The following VDR variants were observed in gnomAD, a reference collection of about 807,000 sequenced individuals.
VDR encodes vitamin D receptor.
In VDR, 19 loss-of-function variants were observed where a neutral mutation model predicts 39.7. The observed-to-expected ratio is 0.48, with a 90% CI of 0.33 to 0.70. The LOEUF (loss-of-function observed/expected upper bound fraction) is 0.70. VDR is among the 30% of genes least tolerant of loss of function. VDR has a pLI of 0.02. For missense variants in VDR, 442 were observed against 570.5 expected, an observed-to-expected ratio of 0.77 and a Z score of 2.29; for synonymous variants, 242 against 215.8, an observed-to-expected ratio of 1.12 and a Z score of -1.07.
intron 1 of VDR, 133 bp from the exon 2 acceptor site, chr12:47,882,907 C>A: frequency 1.5e-6 from 1 of 677,622 alleles, no homozygotes; most frequent in Non-Finnish European, 2.4e-6. Context: ...ACAGAAGTGG[C>A]TTGTTGGGAG....
chr12:47,897,221 T>C (rs975964411), intron 1 of VDR, among the ~76,000 whole-genome samples: 1 of 152,176 alleles, frequency 6.6e-6, no homozygotes, highest in African/African-American at 2.4e-5. Context: ...GAGGCATAAA[T>C]GAGAAAATGC....
chr12:47,863,396 GGCAGTGCCTTACGAACCACT>G (rs1341802567), intron 4 of VDR, among the ~76,000 whole-genome samples: 1 of 152,222 alleles, frequency 6.6e-6, no homozygotes, highest in Non-Finnish European at 1.5e-5. Flanking sequence ...GAACTCCTGT[GGCAGTGCCTTACGAACCACT>G]GCAGTGGAAC....
At chr12:47,879,565 T>C (rs1946099363) in intron 2 of VDR, among the ~76,000 whole-genome samples, 1 of 152,002 alleles carries the variant, frequency 6.6e-6, no homozygotes, top group African/African-American at 2.4e-5. Flanking sequence ...CAAGGGAAAA[T>C]GAGAGTCCTC....
chr12:47,878,613 T>A (rs1192986195), intron 3 of VDR, among the ~76,000 whole-genome samples: 1 of 152,228 alleles, frequency 6.6e-6, no homozygotes, highest in African/African-American at 2.4e-5. Flanking sequence ...AAGACATGCC[T>A]GTCTCTTGGG....
intron 3 of VDR, among the ~76,000 whole-genome samples, chr12:47,869,149 T>A (rs1183363407): frequency 1.3e-5 from 2 of 152,224 alleles, no homozygotes; most frequent in Non-Finnish European, 2.9e-5. Flanking sequence ...CATGTCACTT[T>A]AAATATGAAG....
At chr12:47,848,387 C>T (rs1327888762) in intron 7 of VDR, among the ~76,000 whole-genome samples, 2 of 151,696 alleles carry the variant, frequency 1.3e-5, no homozygotes, top group Admixed American at 1.3e-4. Context: ...TCTAATTCTC[C>T]ATTTTGTTTT....
chr12:47,846,285 A>T (rs1945277166), intron 9 of VDR, 50 bp downstream of exon 9: 1 of 1,554,552 alleles, frequency 6.4e-7, no homozygotes, highest in Admixed American at 1.7e-5. Flanking sequence ...TTTGTCCTTC[A>T]TACTCCCCGC....
intron 4 of VDR, 75 bp from the exon 5 acceptor site, chr12:47,857,763 T>C: frequency 6.5e-7 from 1 of 1,543,220 alleles, no homozygotes; most frequent in Non-Finnish European, 8.8e-7. Context: ...CGGTTGGGGG[T>C]AAAGGTCCAA....
intron 7 of VDR, among the ~76,000 whole-genome samples, chr12:47,853,684 G>A (rs2137137559): frequency 6.6e-6 from 1 of 152,248 alleles, no homozygotes; most frequent in East Asian, 1.9e-4. Context: ...GAACCCAGGA[G>A]GCAGAGGTTG....
chr12:47,904,519 G>GTGGGCCCTGTGA, intron 1 of VDR: 1 of 1,361,192 alleles, frequency 7.3e-7, no homozygotes, highest in Non-Finnish European at 9.8e-7. Flanking sequence ...ACCATCACAG[G>GTGGGCCCTGTGA]TGACCATACC....
chr12:47,848,555 C>CTTTTTTTTTTT lies in VDR; in HGVS notation c.756-1758_756-1748dup, dbSNP rs1162881183. On this transcript the variant is annotated intron_variant, in intron 7 of 9. Coordinates refer to ENST00000549336, the MANE Select transcript of VDR (RefSeq NM_000376.3). The stretch of plus-strand genomic sequence containing the variant: ...CTCTTTACATGCTTGTTTTCTACTC[C>CTTTTTTTTTTT]TTTTTTTTTTTTTTTTTTTTTTTTT... Among the ~76,000 whole-genome samples, 8 of 58,162 alleles carry CTTTTTTTTTTT rather than the reference C, an allele frequency of 1.4e-4. 1 individual carries two copies. The highest frequency in any genetic ancestry group is 1.7e-4 in the Non-Finnish European group (6 of 34,814). 38.2% of individuals were successfully genotyped at this position (58,162 alleles called of 152,430 possible).
intron 2 of VDR, among the ~76,000 whole-genome samples, chr12:47,881,750 T>G: frequency 6.6e-6 from 1 of 152,150 alleles, no homozygotes; most frequent in East Asian, 1.9e-4. Context: ...ATCAACATTG[T>G]CCCCAAAGAC....
chr12:47,885,909 T>C (rs1946244219), intron 1 of VDR, among the ~76,000 whole-genome samples: 1 of 152,218 alleles, frequency 6.6e-6, no homozygotes, highest in Admixed American at 6.5e-5. Context: ...ATTAGCCAGA[T>C]GAACCACAAC....
rs570658595 is a variant in VDR, at chr12:47,867,171, T to C, written c.147-1994A>G. Among the ~76,000 whole-genome samples the C allele has an allele frequency of 3.2e-4, 49 of 152,198 alleles. 2 individuals are homozygous for C. In the South Asian group the frequency reaches 9.1e-3, roughly 28 times the overall value. ...GAGTTTGAGACCAGCCTGACCAACA[T>C]AGTGAAACCCCATCTCTACTAAAAA... is the stretch of plus-strand genomic sequence containing the variant. On this transcript the variant is annotated intron_variant, in intron 3 of 9. Coordinates refer to ENST00000549336, the MANE Select transcript of VDR (RefSeq NM_000376.3).
intron 2 of VDR, among the ~76,000 whole-genome samples, chr12:47,881,195 A>T (rs1946144520): frequency 6.6e-6 from 1 of 151,760 alleles, no homozygotes; most frequent in African/African-American, 2.4e-5. Flanking sequence ...TTTCCTTTGC[A>T]GCAACATGGA....
chr12:47,873,508 C>T (rs1053173407), intron 3 of VDR, among the ~76,000 whole-genome samples: 3 of 150,494 alleles, frequency 2.0e-5, no homozygotes, highest in African/African-American at 7.3e-5. Context: ...ACTACAGGCG[C>T]CCGCCACCTC....
chr12:47,848,131 T>G (rs1354346437), intron 7 of VDR, among the ~76,000 whole-genome samples: 1 of 152,178 alleles, frequency 6.6e-6, no homozygotes, highest in Non-Finnish European at 1.5e-5. Flanking sequence ...CTCGATCTCC[T>G]GACCTTGTGA....
intron 1 of VDR, among the ~76,000 whole-genome samples, chr12:47,901,743 G>A (rs781009299): frequency 3.3e-5 from 5 of 152,222 alleles, no homozygotes; most frequent in South Asian, 2.1e-4. Flanking sequence ...AAGAGGAAAC[G>A]TGAGGCCCAG....
chr12:47,882,703 C>T lies in VDR; in HGVS notation c.-12G>A. 1 of 1,475,984 alleles carries T rather than the reference C, an allele frequency of 6.8e-7. No individual in the cohort carries two copies. The highest frequency in any genetic ancestry group is 9.0e-7 in the Non-Finnish European group (1 of 1,114,108). 91.4% of individuals were successfully genotyped at this position (1,475,984 alleles called of 1,614,324 possible). ...ATGAGGAAACACCTACCTGAAGGAG[C>T]AGGGGGCAGGTAAGTGGAGCCCAGG... On this transcript the variant is annotated 5_prime_UTR_variant, in exon 2 of 10. Coordinates refer to ENST00000549336, the MANE Select transcript of VDR (RefSeq NM_000376.3).
Sources: allele counts gnomAD v4.1 joint callset (sites outside exome capture counted in the v4.1 genomes callset), GRCh38; gene constraint gnomAD v4.1.1; transcripts MANE v1.5; gene names NCBI Gene and HGNC (gene_info 2026-07-23, HGNC 2026-07-21).